MAGEB10: variants seen among roughly 807,000 people sequenced by gnomAD.
MAGEB10 encodes melanoma-associated antigen B10.
For synonymous variants in MAGEB10, 99 were observed against 101.0 expected, an observed-to-expected ratio of 0.98 and a Z score of 0.12; for missense variants, 190 against 261.9, an observed-to-expected ratio of 0.73 and a Z score of 1.89.
chrX:27,808,421 T>A (rs949614088), intron 1 of MAGEB10, among the ~76,000 whole-genome samples: 1 of 110,225 alleles, frequency 9.1e-6, no homozygotes, highest in African/African-American at 3.3e-5. Context: ...AGCCCTTCGG[T>A]CCGTGGGCAG....
chrX:27,808,160 CT>C (rs1448779318), intron 1 of MAGEB10, 124 bp downstream of exon 1: 1 of 112,407 alleles, frequency 8.9e-6, no homozygotes, highest in Non-Finnish European at 1.9e-5. Context: ...AGGTATCGCA[CT>C]CTGCATTATT....
chrX:27,816,718 C>G (rs189372359), intron 1 of MAGEB10, among the ~76,000 whole-genome samples: 1 of 112,094 alleles, frequency 8.9e-6, no homozygotes, highest in Admixed American at 9.4e-5. Flanking sequence ...TTGAAATTAC[C>G]TGTCACATAT....
At chrX:27,819,299 C>A (rs913997058) in intron 2 of MAGEB10, among the ~76,000 whole-genome samples, 5 of 110,953 alleles carry the variant, frequency 4.5e-5, no homozygotes, top group African/African-American at 1.6e-4. Flanking sequence ...ACAAGCCACC[C>A]CCTTACTTCT....
rs73628841 is a variant in MAGEB10 at position 27,813,142 on chromosome X, G to C, written c.-198-4412G>C. Among the ~76,000 whole-genome samples the C allele has an allele frequency of 4.8e-3, 540 of 112,185 alleles. 4 individuals are homozygous for C. The highest frequency in any genetic ancestry group is 0.017 in the African/African-American group (513 of 30,861). ...ATTTATTGATGTTTGTGAGGTTTTA[G>C]AGTAGAGTTTTACTATTTTATAGAA... On this transcript the variant is annotated intron_variant, in intron 1 of 2. Coordinates refer to ENST00000356790, the MANE Select transcript of MAGEB10 (RefSeq NM_182506.3).
intron 2 of MAGEB10, among the ~76,000 whole-genome samples, chrX:27,817,978 T>A (rs1923811599): frequency 9.0e-6 from 1 of 110,642 alleles, no homozygotes; most frequent in African/African-American, 3.3e-5. Context: ...GGGATCTGTA[T>A]CCAGAGTTCA....
At chrX:27,820,502 C>T (rs1017978224) in intron 2 of MAGEB10, among the ~76,000 whole-genome samples, 1 of 110,652 alleles carries the variant, frequency 9.0e-6, no homozygotes, top group Non-Finnish European at 1.9e-5. Flanking sequence ...GTCCCAAGCC[C>T]TAAGAAGAGT....
At chrX:27,812,867 C>A in intron 1 of MAGEB10, 1 of 272,394 alleles carries the variant, frequency 3.7e-6, no homozygotes, top group Non-Finnish European at 7.3e-6. Flanking sequence ...CCCGTACTGC[C>A]ACCATGGCCA....
intron 1 of MAGEB10, among the ~76,000 whole-genome samples, chrX:27,811,248 C>G (rs1156329391): frequency 9.1e-6 from 1 of 110,356 alleles, no homozygotes. Context: ...GAAGGCCTTG[C>G]TTGGAGGGGA....
At chrX:27,815,004 G>A (rs1187854915) in intron 1 of MAGEB10, among the ~76,000 whole-genome samples, 1 of 111,797 alleles carries the variant, frequency 8.9e-6, no homozygotes, top group Non-Finnish European at 1.9e-5. Flanking sequence ...ACTGCCCGTG[G>A]GCCTCATTTT....
intron 1 of MAGEB10, among the ~76,000 whole-genome samples, chrX:27,815,066 C>T (rs766217065): frequency 9.0e-6 from 1 of 111,527 alleles, no homozygotes; most frequent in Non-Finnish European, 1.9e-5. Context: ...CTGATTTTGC[C>T]CAGGTGCTGG....
Position 27,822,447 on chromosome X carries a change from T to A in MAGEB10, c.*97T>A, listed in dbSNP as rs1199367015. The A allele has an allele frequency of 1.2e-6, 1 of 840,866 alleles. No homozygotes were observed. Among genetic ancestry groups the A allele is most frequent in the Non-Finnish European group, 1.6e-6 (1 of 608,146 alleles). 69.3% of individuals were successfully genotyped at this position (840,866 alleles called of 1,213,427 possible). ...ACTGGAGACAACACAGTGAATAATA[T>A]GTTTGTGTTAATGTTCTATGTGATG... On this transcript the variant is annotated 3_prime_UTR_variant, in exon 3 of 3. Coordinates refer to ENST00000356790, the MANE Select transcript of MAGEB10 (RefSeq NM_182506.3).
intron 1 of MAGEB10, chrX:27,812,670 C>T (rs1923714787): frequency 3.0e-6 from 1 of 334,975 alleles, no homozygotes; most frequent in Non-Finnish European, 6.0e-6. Flanking sequence ...TTGGGAAGTG[C>T]CCAACAGCAG....
rs201597303 is a variant in MAGEB10 at position 27,821,923 on chromosome X, C to T, written c.617C>T (p.Thr206Ile). 2 of 1,210,112 alleles carry T rather than the reference C, an allele frequency of 1.7e-6. No individual in the cohort carries two copies. Among genetic ancestry groups the T allele is most frequent in the Admixed American group, 2.2e-5 (1 of 45,744 alleles). The change falls in exon 3 of 3, where the codon ACT becomes ATT. Residue 206 changes from threonine (T) to isoleucine (I), a missense_variant. By Grantham distance (89) the Thr-to-Ile change is moderately conservative. Coordinates refer to ENST00000356790, the MANE Select transcript of MAGEB10 (RefSeq NM_182506.3). ...GTGCCCAAGACTGGCCTGCTGATGA[C>T]TGTCCTGGGTATTATCTTCACAAAT... The part of the protein sequence containing the change: ...TGVPKTGLLM[T>I]VLGIIFTNGN...
intron 1 of MAGEB10, among the ~76,000 whole-genome samples, chrX:27,814,998 C>T (rs1160312457): frequency 8.9e-6 from 1 of 112,029 alleles, no homozygotes; most frequent in Admixed American, 9.4e-5. Flanking sequence ...TTGGGGACTG[C>T]CCGTGGGCCT....
chrX:27,808,601 C>G (rs1386345146), intron 1 of MAGEB10, among the ~76,000 whole-genome samples: 1 of 111,533 alleles, frequency 9.0e-6, no homozygotes, highest in Non-Finnish European at 1.9e-5. Context: ...AAAGAAAGAA[C>G]GCCATGCCGT....
At chrX:27,815,397 T>C (rs762930663) in intron 1 of MAGEB10, among the ~76,000 whole-genome samples, 1 of 112,428 alleles carries the variant, frequency 8.9e-6, no homozygotes, top group South Asian at 3.7e-4. Context: ...TCATCTGCTC[T>C]GAGTAATTCC....
rs1379562719 is a variant in MAGEB10, at chrX:27,822,365, T to A, written c.*15T>A. 7.6e-6 allele frequency: 9 copies of A among 1,180,740 alleles called. No individual in the cohort carries two copies. The highest frequency in any genetic ancestry group is 1.0e-5 in the Non-Finnish European group (9 of 879,311). ...AACTGCAGTAAAGTCTGAGGGAGAT[T>A]CTTCATTTGTGTTTGAAAAGAAATG... is the stretch of plus-strand genomic sequence containing the variant. On this transcript the variant is annotated 3_prime_UTR_variant, in exon 3 of 3. Transcript: ENST00000356790.
At chrX:27,815,200 T>C (rs73628843) in intron 1 of MAGEB10, among the ~76,000 whole-genome samples, 4,976 of 112,017 alleles carry the variant, frequency 0.044, 273 homozygotes, top group African/African-American at 0.15. Context: ...CTTCCTTCCA[T>C]GAAGGCTGCA....
In MAGEB10 at chrX:27,821,554, C is replaced by T; in HGVS notation, c.248C>T (p.Pro83Leu). The T allele has an allele frequency of 8.3e-7, 1 of 1,209,941 alleles. No homozygotes were observed. The highest frequency in any genetic ancestry group is 1.8e-5 in the South Asian group (1 of 56,660). ...SATAASHTRH[P>L]EGVNDQMEER... ...ACAGCTGCTTCACACACAAGACATC[C>T]CGAAGGAGTCAACGACCAAATGGAA... The change falls in exon 3 of 3, where the codon CCC (proline) becomes CTC (leucine). Residue 83 changes from proline to leucine, a missense_variant. Pro to Leu is a moderately conservative substitution (Grantham distance 98). Coordinates refer to ENST00000356790, the MANE Select transcript of MAGEB10 (RefSeq NM_182506.3).
Sources: allele counts gnomAD v4.1 joint callset (sites outside exome capture counted in the v4.1 genomes callset), GRCh38; gene constraint gnomAD v4.1.1; transcripts MANE v1.5; gene names NCBI Gene and HGNC (gene_info 2026-07-23, HGNC 2026-07-21).